NBAS: variants seen among roughly 807,000 people sequenced by gnomAD.
NBAS encodes the protein NBAS subunit of NRZ tethering complex.
Under a neutral mutation model 302.5 loss-of-function variants are expected in NBAS, and 219 were observed. That is an observed-to-expected ratio of 0.72 (90% CI 0.65 to 0.81). NBAS has a LOEUF of 0.81. Among genes scored for constraint, NBAS ranks in the 30% least tolerant of loss-of-function variants. The probability of loss-of-function intolerance (pLI) is 0.00; values close to 1 mark genes in which losing one functional copy is unlikely to be tolerated. For synonymous variants in NBAS, 1,118 were observed against 1,021.6 expected (o/e 1.09, Z -1.80); for missense variants, 2,932 against 2,841.6 (o/e 1.03, Z -0.72).
the NBAS span, among the ~76,000 whole-genome samples, chr2:14,951,919 C>T: frequency 7.2e-5 from 11 of 152,128 alleles, no homozygotes; most frequent in Non-Finnish European, 1.5e-5. Flanking sequence ...TGTCTTCCTC[C>T]GATTTTCACA....
downstream of NBAS, among the ~76,000 whole-genome samples, chr2:15,163,655 A>T (rs1234144040): frequency 6.6e-6 from 1 of 152,154 alleles, no homozygotes; most frequent in African/African-American, 2.4e-5. Context: ...TGCCATAATA[A>T]TCATTGTCTA....
intron 7 of NBAS, among the ~76,000 whole-genome samples, chr2:15,538,910 CCT>C (rs1663656669): frequency 6.6e-6 from 1 of 152,174 alleles, no homozygotes; most frequent in African/African-American, 2.4e-5. Context: ...AATTCCAACT[CCT>C]CTTGAAGTTG....
At chr2:14,854,308 G>T in the NBAS span, among the ~76,000 whole-genome samples, 10 of 151,688 alleles carry the variant, frequency 6.6e-5, no homozygotes, top group Admixed American at 6.6e-4. Flanking sequence ...ATTAGTAAAA[G>T]AAAAGAAATA....
intron 9 of NBAS, among the ~76,000 whole-genome samples, chr2:15,526,978 A>T (rs116464678): frequency 0.019 from 2,857 of 152,322 alleles, 35 homozygotes; most frequent in Non-Finnish European, 0.031. Context: ...AGGAAAAAAG[A>T]AATCAAATAT....
At chr2:15,247,517 G>A (rs1026214541) in intron 44 of NBAS, among the ~76,000 whole-genome samples, 4 of 151,998 alleles carry the variant, frequency 2.6e-5, no homozygotes, top group African/African-American at 9.7e-5. Flanking sequence ...AGGAATGGAG[G>A]AATATTTAGC....
chr2:15,101,062 A>G, the NBAS span, among the ~76,000 whole-genome samples: 1 of 152,236 alleles, frequency 6.6e-6, no homozygotes. Flanking sequence ...TTGAAAAATG[A>G]GAATCATAAT....
intron 40 of NBAS, among the ~76,000 whole-genome samples, chr2:15,294,138 ATGCAAACAACTGTAAAATG>A: frequency 6.6e-6 from 1 of 152,358 alleles, no homozygotes; most frequent in East Asian, 1.9e-4. Context: ...ACAGACAGTC[ATGCAAACAACTGTAAAATG>A]GTGTGACACA....
intron 21 of NBAS, among the ~76,000 whole-genome samples, chr2:15,431,105 C>A (rs1677742979): frequency 6.6e-6 from 1 of 152,082 alleles, no homozygotes; most frequent in Admixed American, 6.5e-5. Flanking sequence ...CTGTGCCCAG[C>A]CGGTAGAGGG....
intron 9 of NBAS, among the ~76,000 whole-genome samples, chr2:15,527,008 A>G (rs982474528): frequency 6.6e-6 from 1 of 152,152 alleles, no homozygotes; most frequent in African/African-American, 2.4e-5. Flanking sequence ...TAACAAATCA[A>G]GAGAGTGGAG....
chr2:15,071,263 T>C, the NBAS span, among the ~76,000 whole-genome samples: 1 of 152,210 alleles, frequency 6.6e-6, no homozygotes, highest in South Asian at 2.1e-4. Flanking sequence ...AGACATTTTG[T>C]CATCTACTGT....
chr2:15,229,354 A>C (rs112546407), intron 47 of NBAS, among the ~76,000 whole-genome samples: 2,080 of 142,530 alleles, frequency 0.015, 4 homozygotes, highest in African/African-American at 0.036. Flanking sequence ...AAACAAAAAA[A>C]AAAAAAAAAA....
At chr2:14,956,595 A>T in the NBAS span, among the ~76,000 whole-genome samples, 1 of 152,336 alleles carries the variant, frequency 6.6e-6, no homozygotes, top group African/African-American at 2.4e-5. Flanking sequence ...GAAGGCCTTA[A>T]GAAACTTACA....
chr2:15,509,237 A>T (rs913457631), intron 10 of NBAS, among the ~76,000 whole-genome samples: 4 of 152,200 alleles, frequency 2.6e-5, no homozygotes, highest in African/African-American at 9.6e-5. Context: ...TGCAGAACAG[A>T]AACTAGATCT....
At chr2:14,880,364 C>T in the NBAS span, among the ~76,000 whole-genome samples, 1 of 151,986 alleles carries the variant, frequency 6.6e-6, no homozygotes, top group East Asian at 1.9e-4. Flanking sequence ...TTTAAATGTT[C>T]TATCAATTCC....
chr2:15,215,858 G>T (rs1420470196), intron 48 of NBAS, among the ~76,000 whole-genome samples: 1 of 152,164 alleles, frequency 6.6e-6, no homozygotes, highest in African/African-American at 2.4e-5. Flanking sequence ...ACAAGTATCT[G>T]CCCACTAGTG....
the NBAS span, among the ~76,000 whole-genome samples, chr2:14,832,902 G>C: frequency 5.3e-5 from 8 of 152,098 alleles, no homozygotes; most frequent in African/African-American, 1.9e-4. Flanking sequence ...AATTGTTCCA[G>C]GTGAGAACCA....
intron 21 of NBAS, among the ~76,000 whole-genome samples, chr2:15,432,182 A>G (rs1677798278): frequency 1.3e-5 from 2 of 151,954 alleles, no homozygotes. Context: ...AGTTCTATAA[A>G]CATGAAACTG....
chr2:15,477,548 G>C (rs1036846518), intron 13 of NBAS, among the ~76,000 whole-genome samples: 4 of 152,048 alleles, frequency 2.6e-5, no homozygotes, highest in Non-Finnish European at 4.4e-5. Flanking sequence ...CACCGCGCCC[G>C]GCATAAAAGC....
At chr2:15,327,900 G>A in intron 37 of NBAS, 30 bp from the exon 38 acceptor site, 1 of 1,612,966 alleles carries the variant, frequency 6.2e-7, no homozygotes, top group Non-Finnish European at 8.5e-7. Flanking sequence ...TCACTATCTA[G>A]TAGGGTGCCT....
Sources: gnomAD v4.1 joint callset for allele counts (sites outside exome capture counted in the v4.1 genomes callset) on GRCh38, gnomAD v4.1.1 for gene constraint, MANE v1.5 for transcripts, NCBI Gene and HGNC (gene_info 2026-07-23, HGNC 2026-07-21) for gene names.